The following GPAT4 variants were observed in gnomAD, a reference collection of about 807,000 sequenced individuals.
GPAT4 encodes the protein 1-AGP acyltransferase 6.
In GPAT4, 17 loss-of-function variants were observed where a neutral mutation model predicts 58.0. The ratio of observed to expected loss-of-function variants is 0.29; its 90% confidence interval spans 0.20 to 0.44. GPAT4 has a LOEUF of 0.44. Among genes scored for constraint, GPAT4 ranks in the 20% least tolerant of loss-of-function variants. GPAT4 has a pLI of 1.00. For synonymous variants in GPAT4, 204 were observed against 210.1 expected, an observed-to-expected ratio of 0.97 and a Z score of 0.25; for missense variants, 377 against 574.5, an observed-to-expected ratio of 0.66 and a Z score of 3.51.
At chr8:41,611,876 C>T (rs554651093) in intron 5 of GPAT4, 27 bp from the exon 6 acceptor site, 1 of 1,608,012 alleles carries the variant, frequency 6.2e-7, no homozygotes, top group East Asian at 2.2e-5. Context: ...TAAAATAAAA[C>T]CCAGAATCCT....
In GPAT4 at chr8:41,609,468, A is replaced by G; in HGVS notation, c.218A>G (p.Tyr73Cys). ...GCCAAGGAGAAGAACCACCAGCTTTACAAGCCCTACACCAACGGTAAGATG... is the reference window on the plus strand; with the variant it reads ...GCCAAGGAGAAGAACCACCAGCTTTGCAAGCCCTACACCAACGGTAAGATG... Reference protein sequence around the residue: ...RGAKEKNHQLYKPYTNGIIAK... With the variant: ...RGAKEKNHQLCKPYTNGIIAK... Residue 73 changes from tyrosine (Y) to cysteine (C), a missense_variant, in exon 3 of 13, where the codon TAC becomes TGC. Coordinates refer to ENST00000396987, the MANE Select transcript of GPAT4 (RefSeq NM_178819.4). 2 of 1,614,102 alleles carry G rather than the reference A, an allele frequency of 1.2e-6. No individual in the cohort carries two copies. Among genetic ancestry groups the G allele is most frequent in the Non-Finnish European group, 1.7e-6 (2 of 1,180,010 alleles).
At chr8:41,602,362 A>G (rs1288623593) in intron 2 of GPAT4, among the ~76,000 whole-genome samples, 1 of 152,164 alleles carries the variant, frequency 6.6e-6, no homozygotes, top group Non-Finnish European at 1.5e-5. Flanking sequence ...CCTTCCTTAG[A>G]GGTGTGTGCC....
In GPAT4 at chr8:41,587,403, C is replaced by T. The variant is rs954928593; in HGVS notation, c.-849+9125C>T. Among the ~76,000 whole-genome samples the T allele has an allele frequency of 7.2e-5, 11 of 152,332 alleles. No individual in the cohort carries two copies. In the East Asian group the frequency reaches 1.7e-3, roughly 24 times the overall value. On this transcript the variant is annotated intron_variant, in intron 1 of 12. Coordinates refer to ENST00000396987, the MANE Select transcript of GPAT4 (RefSeq NM_178819.4). Reference sequence around the variant, plus strand: ...CCCTTCTCCTTCCTAGTGACAGGGGCTTAGATGAATAGTATTCCATTATAT... The same window carrying T: ...CCCTTCTCCTTCCTAGTGACAGGGGTTTAGATGAATAGTATTCCATTATAT...
intron 1 of GPAT4, among the ~76,000 whole-genome samples, chr8:41,580,546 A>G (rs1400984815): frequency 1.3e-5 from 2 of 152,170 alleles, no homozygotes; most frequent in Non-Finnish European, 2.9e-5. Context: ...CAATTTTCCT[A>G]CCCTTAAAAT....
intron 2 of GPAT4, among the ~76,000 whole-genome samples, chr8:41,603,896 A>AGAAT (rs56179166): frequency 0.16 from 24,617 of 150,710 alleles, 2,266 homozygotes; most frequent in Admixed American, 0.27. Flanking sequence ...TCAGCTGCAC[A>AGAAT]GAATGAATGA....
At chr8:41,618,110 C>T (rs1395517163) in intron 10 of GPAT4, among the ~76,000 whole-genome samples, 1 of 152,222 alleles carries the variant, frequency 6.6e-6, no homozygotes, top group African/African-American at 2.4e-5. Flanking sequence ...CACAGAGCCG[C>T]CTCCTGAACA....
chr8:41,586,607 C>T (rs1271707530), intron 1 of GPAT4, among the ~76,000 whole-genome samples: 5 of 152,132 alleles, frequency 3.3e-5, no homozygotes, highest in South Asian at 4.1e-4. Flanking sequence ...CAAGCAAATC[C>T]GCTTTTTCTA....
chr8:41,590,445 A>G (rs1264110375), intron 1 of GPAT4, among the ~76,000 whole-genome samples: 2 of 152,222 alleles, frequency 1.3e-5, no homozygotes, highest in East Asian at 1.9e-4. Flanking sequence ...GTTACAGAGC[A>G]GGGGCCTGGA....
At chr8:41,582,770 CAG>C (rs576238692) in intron 1 of GPAT4, among the ~76,000 whole-genome samples, 340 of 151,946 alleles carry the variant, frequency 2.2e-3, no homozygotes, top group African/African-American at 6.1e-3. Context: ...AATTGACAAA[CAG>C]TAATTTTACG....
At chr8:41,604,155 A>G (rs1803190417) in intron 2 of GPAT4, among the ~76,000 whole-genome samples, 1 of 144,610 alleles carries the variant, frequency 6.9e-6, no homozygotes, top group Non-Finnish European at 1.5e-5. Flanking sequence ...TTGGCATTTT[A>G]TCAGCCATTT....
intron 1 of GPAT4, among the ~76,000 whole-genome samples, chr8:41,587,529 G>A (rs1343147310): frequency 6.6e-6 from 1 of 152,090 alleles, no homozygotes; most frequent in Admixed American, 6.6e-5. Context: ...TAAAATACAG[G>A]GTTTATACAC....
At chr8:41,607,542 T>C (rs981684960) in intron 2 of GPAT4, among the ~76,000 whole-genome samples, 3 of 145,198 alleles carry the variant, frequency 2.1e-5, no homozygotes, top group South Asian at 2.1e-4. Flanking sequence ...TTCTCTCTCT[T>C]TTTTTTTTTT....
In GPAT4 at chr8:41,621,851, C is replaced by T. The variant is rs552971274; in HGVS notation, c.*850C>T. The stretch of plus-strand genomic sequence containing the variant: ...AAACGGGGCACGGCAGGCCTGAGCT[C>T]AGAGCTGCTGCACTGGGCTTTGGAT... On this transcript the variant is annotated 3_prime_UTR_variant, in exon 13 of 13. Coordinates refer to ENST00000396987, the MANE Select transcript of GPAT4 (RefSeq NM_178819.4). The T allele has an allele frequency of 6.6e-6, 1 of 152,398 alleles. No homozygotes were observed. The highest frequency in any genetic ancestry group is 2.4e-5 in the African/African-American group (1 of 41,558). 9.4% of individuals were successfully genotyped at this position (152,398 alleles called of 1,614,324 possible).
chr8:41,619,096 C>A, intron 12 of GPAT4, 119 bp downstream of exon 12: 1 of 1,236,392 alleles, frequency 8.1e-7, no homozygotes, highest in East Asian at 2.5e-5. Flanking sequence ...CTAGAGAGAG[C>A]AGTTTGACTC....
At chr8:41,580,765 A>G (rs1255433559) in intron 1 of GPAT4, among the ~76,000 whole-genome samples, 2 of 152,230 alleles carry the variant, frequency 1.3e-5, no homozygotes, top group Non-Finnish European at 2.9e-5. Flanking sequence ...CAATAACAGC[A>G]TTTGAGTGTC....
intron 7 of GPAT4, 56 bp downstream of exon 7, chr8:41,612,329 A>G: frequency 6.4e-7 from 1 of 1,564,240 alleles, no homozygotes; most frequent in South Asian, 1.1e-5. Context: ...TAGAGTGGTC[A>G]GGGCTAGGAG....
At chr8:41,592,994 A>G (rs1195051020) in intron 1 of GPAT4, among the ~76,000 whole-genome samples, 1 of 152,186 alleles carries the variant, frequency 6.6e-6, no homozygotes, top group Non-Finnish European at 1.5e-5. Flanking sequence ...CAAGACTAGT[A>G]TCCACATTCA....
At chr8:41,595,690 T>A (rs936439383) in intron 1 of GPAT4, among the ~76,000 whole-genome samples, 2 of 151,980 alleles carry the variant, frequency 1.3e-5, no homozygotes, top group African/African-American at 4.8e-5. Context: ...TACTTGTATA[T>A]CTCTTTCTTT....
chr8:41,586,837 A>G (rs1223825708), intron 1 of GPAT4, among the ~76,000 whole-genome samples: 1 of 152,220 alleles, frequency 6.6e-6, no homozygotes, highest in Non-Finnish European at 1.5e-5. Context: ...TTAACTGGTA[A>G]GAACCCTTAA....
Sources: allele counts gnomAD v4.1 joint callset (sites outside exome capture counted in the v4.1 genomes callset), GRCh38; gene constraint gnomAD v4.1.1; transcripts MANE v1.5; gene names NCBI Gene and HGNC (gene_info 2026-07-23, HGNC 2026-07-21).